DOCK3: variants seen among roughly 807,000 people sequenced by gnomAD.
The protein encoded by DOCK3 is dedicator of cytokinesis protein 3.
Under a neutral mutation model 265.6 loss-of-function variants are expected in DOCK3, and 60 were observed. The observed-to-expected ratio is 0.23, with a 90% CI of 0.18 to 0.28. The LOEUF (loss-of-function observed/expected upper bound fraction) is 0.28, where lower values mean the gene tolerates loss of function less well. DOCK3 is among the 10% of genes least tolerant of loss of function. DOCK3 has a pLI of 1.00. For synonymous variants in DOCK3, 881 were observed against 938.0 expected, an observed-to-expected ratio of 0.94 and a Z score of 1.11; for missense variants, 1,981 against 2,594.3, an observed-to-expected ratio of 0.76 and a Z score of 5.14.
intron 12 of DOCK3, among the ~76,000 whole-genome samples, chr3:51,187,046 C>T (rs1272938963): frequency 1.3e-5 from 2 of 152,154 alleles, no homozygotes; most frequent in Non-Finnish European, 2.9e-5. Flanking sequence ...CCTCCAGACC[C>T]CAGAATGGTA....
At chr3:51,375,301 T>A (rs946740743) in intron 50 of DOCK3, among the ~76,000 whole-genome samples, 1 of 152,206 alleles carries the variant, frequency 6.6e-6, no homozygotes, top group African/African-American at 2.4e-5. Context: ...AAACAGCAAG[T>A]CCTGTCTGTG....
chr3:50,854,848 A>C (rs1172797035), intron 3 of DOCK3, among the ~76,000 whole-genome samples: 1 of 151,976 alleles, frequency 6.6e-6, no homozygotes, highest in African/African-American at 2.4e-5. Flanking sequence ...TCTTCTGCAT[A>C]GGGCTAGCCA....
rs187922002 is a variant in DOCK3, at chr3:51,232,415, G to A, written c.1917+2806G>A. Reference sequence around the variant, plus strand: ...TAGTAGTGGAATTGCTGGATTGAATGGTAGATCTACTTTTAGTTCTTTAAG... The same window carrying A: ...TAGTAGTGGAATTGCTGGATTGAATAGTAGATCTACTTTTAGTTCTTTAAG... On this transcript the variant is annotated intron_variant, in intron 19 of 52. Coordinates refer to ENST00000266037, the MANE Select transcript of DOCK3 (RefSeq NM_004947.5). Among the ~76,000 whole-genome samples the A allele has an allele frequency of 1.1e-3, 170 of 152,218 alleles. 1 individual carries two copies. The highest frequency in any genetic ancestry group is 2.0e-3 in the Admixed American group (30 of 15,296).
chr3:50,767,676 G>A (rs1327290384), intron 1 of DOCK3, among the ~76,000 whole-genome samples: 3 of 152,106 alleles, frequency 2.0e-5, no homozygotes, highest in Non-Finnish European at 2.9e-5. Flanking sequence ...GTAGCTTGAT[G>A]GGGATGGCAT....
rs1223459250 is a variant in DOCK3, at chr3:51,310,288, C to T, written c.2979C>T (p.Phe993=). 1 of 1,605,574 alleles carries T rather than the reference C, an allele frequency of 6.2e-7. No homozygotes were observed. Among genetic ancestry groups the T allele is most frequent in the South Asian group, 1.1e-5 (1 of 88,810 alleles). Residue 993 remains phenylalanine, a synonymous_variant, in exon 28 of 53, where the codon TTC becomes TTT. Transcript: ENST00000266037. ...VFRNLMKMSV[F]PRDWMVMRLL... ...GGAACCTGATGAAGATGAGTGTCTT[C>T]CCTCGGGACTGGATGGTAATGAGAC...
rs369764769 is a variant in DOCK3, at chr3:50,943,779, A to G, written c.315+9702A>G. Among the ~76,000 whole-genome samples the G allele has an allele frequency of 3.9e-5, 6 of 152,266 alleles. No individual in the cohort carries two copies. The East Asian group carries it at 1.2e-3, about 29-fold the overall frequency. ...TACGTTTACCTTTTATCACATTATC[A>G]GCAAGTGTTTATTCAATTCTTTGGT... On this transcript the variant is annotated intron_variant, in intron 5 of 52. Coordinates refer to ENST00000266037, the MANE Select transcript of DOCK3 (RefSeq NM_004947.5).
intron 24 of DOCK3, among the ~76,000 whole-genome samples, chr3:51,273,397 G>T (rs2080623145): frequency 6.6e-6 from 1 of 152,156 alleles, no homozygotes; most frequent in Admixed American, 6.5e-5. Context: ...TGCCTGAGTT[G>T]CAGCATCTTC....
chr3:51,002,616 TG>T (rs2108698009), intron 5 of DOCK3, among the ~76,000 whole-genome samples: 1 of 152,338 alleles, frequency 6.6e-6, no homozygotes, highest in South Asian at 2.1e-4. Context: ...AAGGTTTATT[TG>T]GGGGAGCAGT....
chr3:50,901,507 A>G, intron 4 of DOCK3: 1 of 391,300 alleles, frequency 2.6e-6, no homozygotes, highest in South Asian at 2.0e-5. Context: ...CGTTCCAGGC[A>G]CCACCGGAGT....
At chr3:50,984,597 T>C (rs1360960409) in intron 5 of DOCK3, among the ~76,000 whole-genome samples, 2 of 152,212 alleles carry the variant, frequency 1.3e-5, no homozygotes, top group South Asian at 2.1e-4. Flanking sequence ...AATACCACTG[T>C]TAGTCTGATG....
intron 1 of DOCK3, among the ~76,000 whole-genome samples, chr3:50,684,055 G>A (rs564696492): frequency 1.3e-5 from 2 of 152,110 alleles, no homozygotes; most frequent in Admixed American, 1.3e-4. Flanking sequence ...GCTTTACTCA[G>A]GGTGTTGTTA....
intron 5 of DOCK3, among the ~76,000 whole-genome samples, chr3:50,957,797 A>G (rs1032881171): frequency 6.6e-6 from 1 of 152,228 alleles, no homozygotes; most frequent in Non-Finnish European, 1.5e-5. Context: ...AGCAAGTGTT[A>G]GAATAATTCT....
chr3:51,285,767 T>C (rs2081369818), intron 27 of DOCK3, among the ~76,000 whole-genome samples: 1 of 151,954 alleles, frequency 6.6e-6, no homozygotes, highest in African/African-American at 2.4e-5. Context: ...ACCCCGTCTC[T>C]ACTAAAAATA....
chr3:51,261,635 C>T (rs531738128), intron 23 of DOCK3, among the ~76,000 whole-genome samples: 1 of 152,300 alleles, frequency 6.6e-6, no homozygotes, highest in Middle Eastern at 3.4e-3. Context: ...CCCACCCCCA[C>T]GGAGCCCAGC....
At chr3:51,288,919 T>G (rs1338527371) in intron 27 of DOCK3, among the ~76,000 whole-genome samples, 2 of 151,654 alleles carry the variant, frequency 1.3e-5, no homozygotes, top group Non-Finnish European at 2.9e-5. Flanking sequence ...TGTGTGTGTG[T>G]GTGTGTGCCC....
At chr3:50,866,814 G>T (rs2047167812) in intron 3 of DOCK3, among the ~76,000 whole-genome samples, 1 of 152,098 alleles carries the variant, frequency 6.6e-6, no homozygotes, top group South Asian at 2.1e-4. Context: ...CCAATACCAT[G>T]CTCTTTTGGT....
chr3:51,283,342 C>T (rs955405272), intron 27 of DOCK3, among the ~76,000 whole-genome samples: 1 of 152,172 alleles, frequency 6.6e-6, no homozygotes. Flanking sequence ...CATATACCAC[C>T]CTAATTCTAA....
In DOCK3 at chr3:51,250,014, A is replaced by G. The variant is rs2079114297; in HGVS notation, c.2184+3207A>G. On this transcript the variant is annotated intron_variant, in intron 22 of 52. Coordinates refer to ENST00000266037, the MANE Select transcript of DOCK3 (RefSeq NM_004947.5). ...TCTCTGAAACGTGCTGTGTCCACTC[A>G]GAGTTAAATGGATTAAGGGCGGTGC... Among the ~76,000 whole-genome samples the G allele has an allele frequency of 4.6e-5, 7 of 152,094 alleles. No individual in the cohort carries two copies. The South Asian group carries it at 1.5e-3, about 32-fold the overall frequency.
Position 51,357,827 on chromosome 3 carries a change from C to G in DOCK3, c.4753C>G (p.Leu1585Val), listed in dbSNP as rs1325452484. ...TGAGAAGATCACCCAGCTCAAGGAG[C>G]TTATGCAGGAGCAGGTATGTCTTGG... ...DAEKITQLKE[L>V]MQEQVHVLGV... The change falls in exon 45 of 53, where the codon CTT becomes GTT. Residue 1585 changes from leucine to valine, a missense_variant. Leu to Val is a conservative substitution (Grantham distance 32). This residue lies in a region of DOCK3 where 1,357 missense variants were observed against 1,866.8 expected (regional missense o/e 0.73). Transcript: ENST00000266037. The G allele has an allele frequency of 6.2e-7, 1 of 1,613,974 alleles. No homozygotes were observed. The highest frequency in any genetic ancestry group is 1.1e-5 in the South Asian group (1 of 91,086).
Sources: allele counts gnomAD v4.1 joint callset (sites outside exome capture counted in the v4.1 genomes callset), GRCh38; gene constraint gnomAD v4.1.1; regional missense constraint gnomAD v4.1.1; transcripts MANE v1.5; gene names NCBI Gene and HGNC (gene_info 2026-07-23, HGNC 2026-07-21).